The following FCHSD1 variants were observed in gnomAD, a reference collection of about 807,000 sequenced individuals.
The protein encoded by FCHSD1 is FCH and double SH3 domains 1.
Under a neutral mutation model 101.3 loss-of-function variants are expected in FCHSD1, and 109 were observed. The ratio of observed to expected loss-of-function variants is 1.08; its 90% CI spans 0.92 to 1.26. FCHSD1 has a LOEUF of 1.26. Among genes scored for constraint, FCHSD1 ranks in the 50% most tolerant of loss-of-function variants. The probability of loss-of-function intolerance (pLI) is 0.00; values close to 1 mark genes in which losing one functional copy is unlikely to be tolerated. For synonymous variants in FCHSD1, 291 were observed against 356.8 expected (o/e 0.82, Z 2.08); for missense variants, 820 against 895.8 (o/e 0.92, Z 1.08).
At chr5:141,646,396 C>T in intron 11 of FCHSD1, 1 of 972,518 alleles carries the variant, frequency 1.0e-6, no homozygotes, top group Non-Finnish European at 1.5e-6. Flanking sequence ...GGCTACAGAA[C>T]TAGGAAGCAA....
chr5:141,644,748 G>A (rs905319132), intron 15 of FCHSD1, 58 bp from the exon 16 acceptor site: 10 of 1,607,702 alleles, frequency 6.2e-6, no homozygotes, highest in South Asian at 1.1e-5. Context: ...CATGACCCTG[G>A]CTCTCTTCTA....
intron 17 of FCHSD1, among the ~76,000 whole-genome samples, chr5:141,643,977 G>A (rs1399803854): frequency 1.3e-5 from 2 of 152,164 alleles, no homozygotes; most frequent in African/African-American, 4.8e-5. Context: ...CATTGCCCAA[G>A]TCATACAATA....
chr5:141,641,681 C>T (rs369722148), intron 19 of FCHSD1, 21 bp downstream of exon 19: 3 of 1,613,822 alleles, frequency 1.9e-6, no homozygotes, highest in Non-Finnish European at 2.5e-6. Context: ...ATACAATCTC[C>T]TCCAAGGCAA....
At position 141,640,181 on chromosome 5, in the gene FCHSD1, C is replaced by G. The variant is rs1399113551; in HGVS notation, c.*1317G>C. On this transcript the variant is annotated 3_prime_UTR_variant, in exon 20 of 20. Coordinates refer to ENST00000435817, the MANE Select transcript of FCHSD1 (RefSeq NM_033449.3). The stretch of plus-strand genomic sequence containing the variant: ...TAACCCCTCGTGCACTTGAAGGGAA[C>G]CCCAGAGCTTCTGCAGAGCCAACAC... The G allele has an allele frequency of 6.2e-7, 1 of 1,614,176 alleles. No individual in the cohort carries two copies. The highest frequency in any genetic ancestry group is 8.5e-7 in the Non-Finnish European group (1 of 1,180,008).
chr5:141,647,340 T>A, intron 9 of FCHSD1, 58 bp downstream of exon 9: 1 of 1,572,452 alleles, frequency 6.4e-7, no homozygotes, highest in Non-Finnish European at 8.6e-7. Flanking sequence ...GAGGGCTGCA[T>A]TGGGAGGGAA....
chr5:141,640,769 A>AGCTG lies in FCHSD1; in HGVS notation c.*728_*729insCAGC. The AGCTG allele has an allele frequency of 8.5e-7, 1 of 1,169,898 alleles. No individual in the cohort carries two copies. Among genetic ancestry groups the AGCTG allele is most frequent in the Non-Finnish European group, 1.2e-6 (1 of 839,852 alleles). The allele number at this position is 1,169,898 out of a possible 1,614,324, so 72.5% of individuals were successfully genotyped here. On this transcript the variant is annotated 3_prime_UTR_variant, in exon 20 of 20. Transcript: ENST00000435817. ...ACTGGACAGCACTGCCCCCCAGCTG[A>AGCTG]GGGACCAGCTCTACTTCCACCTGGA... is the stretch of plus-strand genomic sequence containing the variant.
In FCHSD1 at chr5:141,639,756, C is replaced by T. The variant is rs541259955; in HGVS notation, c.*1742G>A. On this transcript the variant is annotated 3_prime_UTR_variant, in exon 20 of 20. Transcript: ENST00000435817. The surrounding 1 kb of genome is among the most constrained non-coding windows in gnomAD (Gnocchi z 4.4). ...CTCTTTCCTCCTGGACTGGGAGCTC[C>T]GGCAGAAGTCAGGCTACACAATGTG... 5.5e-5 allele frequency: 73 copies of T among 1,316,532 alleles called. No individual in the cohort carries two copies. The East Asian group carries it at 1.6e-3, about 28-fold the overall frequency. 81.6% of individuals were successfully genotyped at this position (1,316,532 alleles called of 1,614,324 possible).
chr5:141,639,861 G>C lies in FCHSD1; in HGVS notation c.*1637C>G. 1 of 1,563,916 alleles carries C rather than the reference G, an allele frequency of 6.4e-7. No homozygotes were observed. The highest frequency in any genetic ancestry group is 2.2e-5 in the East Asian group (1 of 44,674). On this transcript the variant is annotated 3_prime_UTR_variant, in exon 20 of 20. Transcript: ENST00000435817. This position sits in a 1 kb window ranked among gnomAD's most constrained non-coding sequence, Gnocchi z 4.4. Reference sequence around the variant, plus strand: ...AACTCAGGATGTCCCTGGTCAGAGGGGAGGGCCAAGCAGCCTCTGAGTTGT... The same window carrying C: ...AACTCAGGATGTCCCTGGTCAGAGGCGAGGGCCAAGCAGCCTCTGAGTTGT...
rs468222 is a variant in FCHSD1 at position 141,647,833 on chromosome 5, G to A, written c.705+135C>T. Reference sequence around the variant, plus strand: ...AGCCAGCTAGGAGCAGAACCAGAGTGCATGTATGTATCATCTACTCACTCT... The same window carrying A: ...AGCCAGCTAGGAGCAGAACCAGAGTACATGTATGTATCATCTACTCACTCT... On this transcript the variant is annotated intron_variant, in intron 8 of 19. Coordinates refer to ENST00000435817, the MANE Select transcript of FCHSD1 (RefSeq NM_033449.3). The A allele has an allele frequency of 3.9e-6, 5 of 1,277,488 alleles. No homozygotes were observed. In the South Asian group the frequency reaches 4.3e-5, roughly 11 times the overall value. 79.1% of individuals were successfully genotyped at this position (1,277,488 alleles called of 1,614,324 possible). A position where few individuals can be genotyped will look rare whatever the true frequency, so the allele number is the denominator to read the frequency against.
Position 141,640,841 on chromosome 5 carries a change from C to CA in FCHSD1, c.*656dup, listed in dbSNP as rs1392587941. Reference sequence around the variant, plus strand: ...GGCCTCAGGAGAGGTCACAGCCCCTCAGTCTCTTCTCCTTCCCCTGCCTGC... The same window carrying CA: ...GGCCTCAGGAGAGGTCACAGCCCCTCAAGTCTCTTCTCCTTCCCCTGCCTGC... On this transcript the variant is annotated 3_prime_UTR_variant, in exon 20 of 20. Transcript: ENST00000435817. 1 of 631,262 alleles carries CA rather than the reference C, an allele frequency of 1.6e-6. No individual in the cohort carries two copies. The highest frequency in any genetic ancestry group is 2.7e-6 in the Non-Finnish European group (1 of 368,668). The allele number at this position is 631,262 out of a possible 1,614,324, so 39.1% of individuals were successfully genotyped here. A position where few individuals can be genotyped will look rare whatever the true frequency, so the allele number is the denominator to read the frequency against.
Position 141,640,735 on chromosome 5 carries a change from C to T in FCHSD1, c.*763G>A, listed in dbSNP as rs1279591028. The T allele has an allele frequency of 1.4e-6, 2 of 1,447,894 alleles. No individual in the cohort carries two copies. The highest frequency in any genetic ancestry group is 4.1e-5 in the Admixed American group (2 of 48,774). 89.7% of individuals were successfully genotyped at this position (1,447,894 alleles called of 1,614,324 possible). A position where few individuals can be genotyped will look rare whatever the true frequency, so the allele number is the denominator to read the frequency against. On this transcript the variant is annotated 3_prime_UTR_variant, in exon 20 of 20. Transcript: ENST00000435817. ...CAGGGGGTGGGTGGGCGTGAAAGCC[C>T]TCCCCTCCACTGGACAGCACTGCCC...
rs146298065 is a variant in FCHSD1, at chr5:141,640,005, G to A, written c.*1493C>T. On this transcript the variant is annotated 3_prime_UTR_variant, in exon 20 of 20. Transcript: ENST00000435817. ...CACAGACAGGAGCTGGGGCTCTGGT[G>A]GGGGACAGGACCCAGGGGGTGGTCA... 5.0e-6 allele frequency: 8 copies of A among 1,613,506 alleles called. No individual in the cohort carries two copies. Among genetic ancestry groups the A allele is most frequent in the African/African-American group, 1.3e-5 (1 of 74,942 alleles).
chr5:141,645,156 G>C lies in FCHSD1; in HGVS notation c.1312-8C>G. 6.5e-7 allele frequency: 1 copy of C among 1,533,986 alleles called. No homozygotes were observed. The highest frequency in any genetic ancestry group is 2.3e-5 in the East Asian group (1 of 44,248). On this transcript the variant is annotated splice_polypyrimidine_tract_variant and splice_region_variant and intron_variant, in intron 13 of 19. Coordinates refer to ENST00000435817, the MANE Select transcript of FCHSD1 (RefSeq NM_033449.3). The stretch of plus-strand genomic sequence containing the variant: ...AAGCTCAGCATCCTCAGCCTAGAGG[G>C]GCAAAGAACAGACCTCATATGGGGC...
chr5:141,642,107 GACTCC>G, intron 18 of FCHSD1: 1 of 510,010 alleles, frequency 2.0e-6, no homozygotes, highest in East Asian at 3.4e-5. Flanking sequence ...CAGGGAGGGA[GACTCC>G]TTGTGGACAA....
chr5:141,641,713 G>A lies in FCHSD1; in HGVS notation c.1996C>T (p.Arg666Ter), dbSNP rs544582821. 8 of 1,613,992 alleles carry A rather than the reference G, an allele frequency of 5.0e-6. No individual in the cohort carries two copies. The highest frequency in any genetic ancestry group is 1.7e-5 in the Admixed American group (1 of 60,036). The change falls in exon 19 of 20, where the codon CGA becomes TGA. Residue 666 changes from arginine to a stop codon, truncating the protein, a stop_gained. Transcript: ENST00000435817. LOFTEE classifies it high-confidence loss of function. ...FPGFLDMMAP[R>*]LRPMRPPPPP... ...GCAAGGGCCCTTACCGGCCTGAGTC[G>A]AGGTGCCATCATGTCCAGGAACCCA...
chr5:141,646,211 AC>A lies in FCHSD1; in HGVS notation c.1045-21del. 6.3e-7 allele frequency: 1 copy of A among 1,580,272 alleles called. No homozygotes were observed. The highest frequency in any genetic ancestry group is 1.3e-5 in the African/African-American group (1 of 74,552). On this transcript the variant is annotated intron_variant, in intron 11 of 19. Transcript: ENST00000435817. Reference sequence around the variant, plus strand: ...CAGTACCTGGTTGGGAAGGCAGAGAACAGGGGTGGGTGGAAATACTGTGGGG... The same window carrying A: ...CAGTACCTGGTTGGGAAGGCAGAGAAAGGGGTGGGTGGAAATACTGTGGGG...
chr5:141,642,016 T>G, intron 18 of FCHSD1: 1 of 572,924 alleles, frequency 1.7e-6, no homozygotes, highest in Non-Finnish European at 3.1e-6. Flanking sequence ...AAACCAATAA[T>G]GAAACCTCAA....
At position 141,639,906 on chromosome 5, in the gene FCHSD1, C is replaced by G. The variant is rs1450854541; in HGVS notation, c.*1592G>C. 1.9e-6 allele frequency: 3 copies of G among 1,613,468 alleles called. No individual in the cohort carries two copies. In the South Asian group the frequency reaches 3.3e-5, roughly 18 times the overall value. On this transcript the variant is annotated 3_prime_UTR_variant, in exon 20 of 20. Transcript: ENST00000435817. The surrounding 1 kb of genome is among the most constrained non-coding windows in gnomAD (Gnocchi z 4.4). ...AGTTGTGGTCCTAAACCCCAGTGTT[C>G]CCTCCCCTCCCAGGTTCCGGGTGAC...
chr5:141,650,488 G>C (rs1446694898), intron 2 of FCHSD1, 84 bp from the exon 3 acceptor site: 6 of 1,564,640 alleles, frequency 3.8e-6, no homozygotes, highest in Non-Finnish European at 4.4e-6. Flanking sequence ...TCTACTCTGG[G>C]CAGGAGGGAG....
Sources: gnomAD v4.1 joint callset for allele counts (sites outside exome capture counted in the v4.1 genomes callset) on GRCh38, gnomAD v4.1.1 for gene constraint, Gnocchi (gnomAD v3.1) non-coding constraint, MANE v1.5 for transcripts, NCBI Gene and HGNC (gene_info 2026-07-23, HGNC 2026-07-21) for gene names.